The following SEMA5A variants were observed in gnomAD, a reference collection of about 807,000 sequenced individuals.
SEMA5A encodes the protein semaphorin 5A.
Under a neutral mutation model 135.5 loss-of-function variants are expected in SEMA5A, and 55 were observed. The ratio of observed to expected loss-of-function variants is 0.41; its 90% CI spans 0.33 to 0.51. SEMA5A has a LOEUF of 0.51. Among genes scored for constraint, SEMA5A ranks in the 20% least tolerant of loss-of-function variants. The probability of loss-of-function intolerance (pLI) is 0.37; values close to 1 mark genes in which losing one functional copy is unlikely to be tolerated. For synonymous variants in SEMA5A, 580 were observed against 546.5 expected, an observed-to-expected ratio of 1.06 and a Z score of -0.85; for missense variants, 1,290 against 1,419.9, an observed-to-expected ratio of 0.91 and a Z score of 1.47.
intron 5 of SEMA5A, among the ~76,000 whole-genome samples, chr5:9,280,254 C>T (rs1750470505): frequency 6.6e-6 from 1 of 152,162 alleles, no homozygotes; most frequent in African/African-American, 2.4e-5. Context: ...CAACAGATTC[C>T]ATTTGTTAAT....
chr5:9,506,103 A>G (rs1022997630), intron 1 of SEMA5A, among the ~76,000 whole-genome samples: 6 of 152,224 alleles, frequency 3.9e-5, no homozygotes, highest in African/African-American at 1.4e-4. Context: ...AGGATTAGAT[A>G]ATTTAGGCTT....
At chr5:9,258,642 T>C (rs1047450445) in intron 5 of SEMA5A, among the ~76,000 whole-genome samples, 12 of 152,088 alleles carry the variant, frequency 7.9e-5, no homozygotes, top group African/African-American at 2.2e-4. Context: ...TTTTTCCTCA[T>C]TGCTTGCTGG....
In SEMA5A at chr5:9,544,992, A is replaced by C. The variant is rs572583778; in HGVS notation, c.-175+592T>G. 1.6e-3 allele frequency among the ~76,000 whole-genome samples: 241 copies of C among 152,324 alleles called. 1 individual carries two copies. Among genetic ancestry groups the C allele is most frequent in the African/African-American group, 5.4e-3 (224 of 41,594 alleles). On this transcript the variant is annotated intron_variant, in intron 1 of 22. Transcript: ENST00000382496. ...TGGTGAAAGGGGCTCGCCTAGCTGC[A>C]GCGCACCTGGCTGGTGGTTCCCCAG...
At chr5:9,226,120 C>G (rs958310318) in intron 7 of SEMA5A, among the ~76,000 whole-genome samples, 6 of 152,170 alleles carry the variant, frequency 3.9e-5, no homozygotes, top group Non-Finnish European at 8.8e-5. Flanking sequence ...CATCCAACTC[C>G]TCCCTTTATT....
intron 11 of SEMA5A, among the ~76,000 whole-genome samples, chr5:9,178,201 T>G (rs919635520): frequency 2.6e-5 from 4 of 152,202 alleles, no homozygotes; most frequent in African/African-American, 9.7e-5. Flanking sequence ...TTAAAAATAT[T>G]CTCATCAGAA....
intron 11 of SEMA5A, among the ~76,000 whole-genome samples, chr5:9,179,456 G>C (rs1474867129): frequency 6.6e-6 from 1 of 152,140 alleles, no homozygotes; most frequent in East Asian, 1.9e-4. Flanking sequence ...GCTCCATGAA[G>C]ATGAAGTTGG....
chr5:9,410,780 T>C (rs77625450), intron 2 of SEMA5A, among the ~76,000 whole-genome samples: 5,840 of 151,788 alleles, frequency 0.038, 248 homozygotes, highest in East Asian at 0.12. Flanking sequence ...GGCCCACGTA[T>C]ATCTGTGCAA....
At chr5:9,404,906 G>C (rs759906278) in intron 2 of SEMA5A, among the ~76,000 whole-genome samples, 15 of 152,192 alleles carry the variant, frequency 9.9e-5, no homozygotes, top group Admixed American at 2.6e-4. Context: ...CTTTTGAAAA[G>C]TATTAGATTC....
intron 2 of SEMA5A, among the ~76,000 whole-genome samples, chr5:9,392,709 A>T (rs1756214628): frequency 6.6e-6 from 1 of 152,168 alleles, no homozygotes; most frequent in Non-Finnish European, 1.5e-5. Flanking sequence ...TTCTCTTGCT[A>T]TCCCCAGGGC....
Position 9,201,962 on chromosome 5 carries a change from T to C in SEMA5A, c.925A>G (p.Thr309Ala), listed in dbSNP as rs1745731662. Reference sequence around the variant, plus strand: ...TTATTTCAAGTTACATACACATTGGTGGTAAAGATGCCATAGATCAAATCC... The same window carrying C: ...TTATTTCAAGTTACATACACATTGGCGGTAAAGATGCCATAGATCAAATCC... ...ELDLIYGIFT[T>A]NVNSIAASAV... Residue 309 changes from threonine to alanine, a missense_variant, in exon 9 of 23, where the codon ACC (threonine) becomes GCC (alanine). Around this residue, in one of 3 missense-constraint regions of SEMA5A, gnomAD observed 1,029 missense variants for 1,086.6 expected, o/e 0.95. Coordinates refer to ENST00000382496, the MANE Select transcript of SEMA5A (RefSeq NM_003966.3). 3 of 1,613,528 alleles carry C rather than the reference T, an allele frequency of 1.9e-6. No individual in the cohort carries two copies. The highest frequency in any genetic ancestry group is 1.7e-6 in the Non-Finnish European group (2 of 1,179,540).
At chr5:9,057,622 G>A (rs1280101463) in intron 18 of SEMA5A, among the ~76,000 whole-genome samples, 1 of 152,194 alleles carries the variant, frequency 6.6e-6, no homozygotes, top group Non-Finnish European at 1.5e-5. Context: ...ACAGAATCCA[G>A]TTGCTGAAAC....
At chr5:9,519,580 C>T (rs1736701922) in intron 1 of SEMA5A, among the ~76,000 whole-genome samples, 1 of 152,174 alleles carries the variant, frequency 6.6e-6, no homozygotes, top group Non-Finnish European at 1.5e-5. Context: ...AAGTCTTTTA[C>T]AGCTTGCCAC....
chr5:9,098,940 A>G (rs1739473117), intron 16 of SEMA5A, among the ~76,000 whole-genome samples: 1 of 152,232 alleles, frequency 6.6e-6, no homozygotes, highest in Non-Finnish European at 1.5e-5. Flanking sequence ...TTAACTTTGC[A>G]ATCACTGTAT....
At chr5:9,154,209 C>T (rs966945257) in intron 12 of SEMA5A, among the ~76,000 whole-genome samples, 1 of 150,430 alleles carries the variant, frequency 6.6e-6, no homozygotes, top group Non-Finnish European at 1.5e-5. Flanking sequence ...ATCAGTATTA[C>T]CACTGAGTGT....
chr5:9,388,845 G>A (rs996963175), intron 2 of SEMA5A, among the ~76,000 whole-genome samples: 9 of 151,118 alleles, frequency 6.0e-5, no homozygotes, highest in African/African-American at 2.2e-4. Flanking sequence ...CTTGCAGTGA[G>A]CTGAGATCTC....
intron 1 of SEMA5A, among the ~76,000 whole-genome samples, chr5:9,443,797 G>A (rs188124700): frequency 1.1e-3 from 162 of 152,382 alleles, no homozygotes; most frequent in Middle Eastern, 3.4e-3. Flanking sequence ...CTGGCAGAAC[G>A]TCTGCTGCCA....
At chr5:9,470,639 A>G (rs760756330) in intron 1 of SEMA5A, among the ~76,000 whole-genome samples, 17 of 152,210 alleles carry the variant, frequency 1.1e-4, no homozygotes, top group South Asian at 6.2e-4. Context: ...AAATAGAAGG[A>G]AACCATGCCT....
rs1044284896 is a variant in SEMA5A, at chr5:9,042,880, C to CA, written c.*16dup. ...GAGGAACTGGGGATTTACAAGAAGCCAAAAACATGAAAGCTGTTAGTACTC... is the reference window on the plus strand; with the variant it reads ...GAGGAACTGGGGATTTACAAGAAGCCAAAAAACATGAAAGCTGTTAGTACTC... On this transcript the variant is annotated 3_prime_UTR_variant, in exon 23 of 23. Transcript: ENST00000382496. 2 of 1,613,304 alleles carry CA rather than the reference C, an allele frequency of 1.2e-6. No homozygotes were observed. Among genetic ancestry groups the CA allele is most frequent in the African/African-American group, 2.7e-5 (2 of 74,846 alleles).
intron 1 of SEMA5A, among the ~76,000 whole-genome samples, chr5:9,519,483 T>C (rs11750227): frequency 0.023 from 3,546 of 152,348 alleles, 55 homozygotes; most frequent in Non-Finnish European, 0.031. Flanking sequence ...AACTAGCTGC[T>C]GTGTCCAATC....
Sources: gnomAD v4.1 joint callset for allele counts (sites outside exome capture counted in the v4.1 genomes callset) on GRCh38, gnomAD v4.1.1 for gene constraint, gnomAD v4.1.1 regional missense constraint, MANE v1.5 for transcripts, NCBI Gene and HGNC (gene_info 2026-07-23, HGNC 2026-07-21) for gene names.